Variants in VDR observed in about 807,000 individuals in gnomAD.
VDR encodes the protein vitamin D receptor.
A neutral mutation model predicts 39.7 loss-of-function variants in VDR; 19 were observed. That is an observed-to-expected ratio of 0.48 (90% CI 0.33 to 0.70). The LOEUF is 0.70. VDR is among the 30% of genes least tolerant of loss of function. The probability of loss-of-function intolerance (pLI) is 0.02; values close to 1 mark genes in which losing one functional copy is unlikely to be tolerated. For synonymous variants in VDR, 242 were observed against 215.8 expected (o/e 1.12, Z -1.07); for missense variants, 442 against 570.5 (o/e 0.77, Z 2.29).
Position 47,865,075 on chromosome 12 carries a change from G to A in VDR, c.249C>T (p.Arg83=). 1 of 1,613,836 alleles carries A rather than the reference G, an allele frequency of 6.2e-7. No individual in the cohort carries two copies. The highest frequency in any genetic ancestry group is 8.5e-7 in the Non-Finnish European group (1 of 1,179,730). The part of the protein sequence containing the change: ...RRHCQACRLK[R]CVDIGMMKEF... ...CCTTCATCATGCCGATGTCCACACA[G>A]CGTTTGAGCCGGCAGGCCTGGCAGT... Residue 83 remains arginine, a synonymous_variant, in exon 4 of 10, where the codon CGC becomes CGT. Transcript: ENST00000549336.
chr12:47,854,653 T>C (rs11574098), intron 7 of VDR, among the ~76,000 whole-genome samples: 15 of 152,212 alleles, frequency 9.9e-5, no homozygotes, highest in African/African-American at 3.6e-4. Context: ...AACACAGCAG[T>C]GAGCTGGGAG....
Position 47,864,052 on chromosome 12 carries a change from C to T in VDR, c.277+995G>A, listed in dbSNP as rs140400029. ...CTGAGCAACATCCCCACCCCGACTCCGACTCCGATTCCTCAGACCCACAGC... is the reference window on the plus strand; with the variant it reads ...CTGAGCAACATCCCCACCCCGACTCTGACTCCGATTCCTCAGACCCACAGC... On this transcript the variant is annotated intron_variant, in intron 4 of 9. Transcript: ENST00000549336. Among the ~76,000 whole-genome samples, 8 of 152,324 alleles carry T rather than the reference C, an allele frequency of 5.3e-5. 1 individual carries two copies. Among genetic ancestry groups the T allele is most frequent in the African/African-American group, 1.7e-4 (7 of 41,570 alleles).
At chr12:47,899,792 C>T in intron 1 of VDR, 3 of 672,780 alleles carry the variant, frequency 4.5e-6, no homozygotes, top group Non-Finnish European at 5.5e-6. Flanking sequence ...CTCTTTAGAC[C>T]TTGGTTTCCC....
chr12:47,846,152 G>A (rs528708828), intron 9 of VDR, among the ~76,000 whole-genome samples, 183 bp downstream of exon 9: 2 of 152,368 alleles, frequency 1.3e-5, no homozygotes, highest in East Asian at 1.9e-4. Flanking sequence ...TAAGGGCAGT[G>A]AGGGGCACCT....
At chr12:47,846,864 C>G in intron 7 of VDR, 56 bp from the exon 8 acceptor site, 1 of 1,604,558 alleles carries the variant, frequency 6.2e-7, no homozygotes, top group East Asian at 2.2e-5. Context: ...TCAAGCCACA[C>G]AAATCAGTTT....
At chr12:47,881,086 G>GTA (rs1323326803) in intron 2 of VDR, among the ~76,000 whole-genome samples, 1 of 128,656 alleles carries the variant, frequency 7.8e-6, no homozygotes, top group African/African-American at 3.1e-5. Context: ...AGAAAATACA[G>GTA]TATATGTGTG....
At position 47,846,441 on chromosome 12, in the gene VDR, G is replaced by C; in HGVS notation, c.918C>G (p.Ser306Arg). The change falls in exon 9 of 10, where the codon AGC becomes AGG. Residue 306 changes from serine (S) to arginine (R), a missense_variant. By Grantham distance (110) the Ser-to-Arg change is moderately radical. Coordinates refer to ENST00000549336, the MANE Select transcript of VDR (RefSeq NM_000376.3). The stretch of plus-strand genomic sequence containing the variant: ...TGATGAGGGGCTCAATCAGCTCCAG[G>C]CTGTGTCCGGCTGTGAGAGACAATG... ...RVSDVTKAGH[S>R]LELIEPLIKF... The C allele has an allele frequency of 6.4e-7, 1 of 1,563,148 alleles. No individual in the cohort carries two copies. Among genetic ancestry groups the C allele is most frequent in the Non-Finnish European group, 8.7e-7 (1 of 1,153,700 alleles).
chr12:47,860,737 C>T (rs1031962838), intron 4 of VDR, among the ~76,000 whole-genome samples: 2 of 152,170 alleles, frequency 1.3e-5, no homozygotes, highest in African/African-American at 4.8e-5. Flanking sequence ...TTCCAGTGTC[C>T]ACCTCCCTGT....
chr12:47,858,525 G>A lies in VDR; in HGVS notation c.278-837C>T, dbSNP rs183860398. 6.3e-3 allele frequency among the ~76,000 whole-genome samples: 953 copies of A among 152,400 alleles called. 4 individuals are homozygous for A. The highest frequency in any genetic ancestry group is 8.3e-3 in the Non-Finnish European group (567 of 68,046). ...GTTCTCTCCAGCCACTAATCAGGGT[G>A]TGGGGCCATAGAGAGCCCCACCACC... On this transcript the variant is annotated intron_variant, in intron 4 of 9. Coordinates refer to ENST00000549336, the MANE Select transcript of VDR (RefSeq NM_000376.3).
chr12:47,859,112 T>A (rs773846362), intron 4 of VDR, among the ~76,000 whole-genome samples: 2 of 152,156 alleles, frequency 1.3e-5, no homozygotes, highest in Non-Finnish European at 2.9e-5. Context: ...GCAGGGAGCA[T>A]CCAGGGAAGG....
intron 4 of VDR, among the ~76,000 whole-genome samples, chr12:47,859,924 T>A (rs866291456): frequency 1.1e-4 from 2 of 18,470 alleles, no homozygotes; most frequent in Non-Finnish European, 2.1e-4. Context: ...CTTCTTTCTT[T>A]TTCTTTCTTT....
At chr12:47,882,634 C>A in intron 2 of VDR, 60 bp downstream of exon 2, 1 of 598,236 alleles carries the variant, frequency 1.7e-6, no homozygotes, top group Admixed American at 3.1e-5. Flanking sequence ...CCCCTCCCCC[C>A]CACCCCGCCC....
intron 1 of VDR, among the ~76,000 whole-genome samples, chr12:47,887,322 CAA>C (rs10686139): frequency 5.7e-4 from 41 of 72,098 alleles, no homozygotes; most frequent in African/African-American, 1.9e-3. Context: ...AACTCCGTCT[CAA>C]AAAAAAAAAA....
At chr12:47,872,611 C>T (rs1398927014) in intron 3 of VDR, among the ~76,000 whole-genome samples, 1 of 152,184 alleles carries the variant, frequency 6.6e-6, no homozygotes, top group Non-Finnish European at 1.5e-5. Context: ...CTGTTGAGCA[C>T]CAGCCAGTTC....
At chr12:47,864,391 T>C (rs11574069) in intron 4 of VDR, among the ~76,000 whole-genome samples, 1 of 152,360 alleles carries the variant, frequency 6.6e-6, no homozygotes, top group South Asian at 2.1e-4. Flanking sequence ...CAGGAAGTCC[T>C]ATAGAATCAC....
chr12:47,887,695 C>G (rs1274402941), intron 1 of VDR, among the ~76,000 whole-genome samples: 1 of 152,260 alleles, frequency 6.6e-6, no homozygotes, highest in Non-Finnish European at 1.5e-5. Flanking sequence ...AGTGTGAGTG[C>G]TGGGTGTGCT....
intron 3 of VDR, among the ~76,000 whole-genome samples, chr12:47,876,524 G>A (rs1339880587): frequency 1.3e-5 from 2 of 152,164 alleles, no homozygotes; most frequent in Admixed American, 6.5e-5. Context: ...GCAGCCCATA[G>A]TGCCAGGCAT....
rs990451371 is a variant in VDR, at chr12:47,844,914, C to A, written c.1116G>T (p.Pro372=). The A allele has an allele frequency of 8.7e-6, 14 of 1,614,098 alleles. No homozygotes were observed. The highest frequency in any genetic ancestry group is 1.1e-5 in the South Asian group (1 of 91,080). ...TLQTYIRCRH[P]PPGSHLLYAK... ...CATAGAGCAGGTGGCTGCCCGGGGG[C>A]GGGTGGCGGCAGCGGATGTACGTCT... The change falls in exon 10 of 10, where the codon CCG becomes CCT. Residue 372 remains proline, a synonymous_variant. Coordinates refer to ENST00000549336, the MANE Select transcript of VDR (RefSeq NM_000376.3).
At chr12:47,857,397 C>G in intron 5 of VDR, 107 bp downstream of exon 5, 1 of 1,603,056 alleles carries the variant, frequency 6.2e-7, no homozygotes, top group Non-Finnish European at 8.5e-7. Flanking sequence ...CGTCCCTACC[C>G]CAGTTCTGTT....
Sources: allele counts gnomAD v4.1 joint callset (sites outside exome capture counted in the v4.1 genomes callset), GRCh38; gene constraint gnomAD v4.1.1; transcripts MANE v1.5; gene names NCBI Gene and HGNC (gene_info 2026-07-23, HGNC 2026-07-21).